KCNIP4: variants seen among roughly 807,000 people sequenced by gnomAD.
KCNIP4 encodes the protein potassium voltage-gated channel interacting protein 4, also known as Kv channel-interacting protein 4.
Under a neutral mutation model 34.0 loss-of-function variants are expected in KCNIP4, and 12 were observed. That is an observed-to-expected ratio of 0.35 (90% confidence interval 0.23 to 0.57). The LOEUF (loss-of-function observed/expected upper bound fraction) is 0.57. Among genes scored for constraint, KCNIP4 ranks in the 20% least tolerant of loss-of-function variants. The pLI, the probability that KCNIP4 is intolerant of heterozygous loss-of-function variation, is 0.83. For missense variants in KCNIP4, 238 were observed against 311.7 expected (o/e 0.76, Z 1.78); for synonymous variants, 124 against 102.2 (o/e 1.21, Z -1.29).
At chr4:20,927,066 C>T (rs1347410359) in intron 1 of KCNIP4, among the ~76,000 whole-genome samples, 1 of 151,728 alleles carries the variant, frequency 6.6e-6, no homozygotes, top group East Asian at 1.9e-4. Context: ...GCAACCTCCG[C>T]CTCCTGGGTT....
chr4:20,730,208 C>T, intron 8 of KCNIP4, 79 bp from the exon 9 acceptor site: 2 of 1,477,370 alleles, frequency 1.4e-6, no homozygotes, highest in Non-Finnish European at 1.8e-6. Context: ...TGAGTATTGC[C>T]TCCTCCCATC....
intron 1 of KCNIP4, among the ~76,000 whole-genome samples, chr4:21,785,155 T>G (rs1218715084): frequency 6.6e-6 from 1 of 152,178 alleles, no homozygotes; most frequent in African/African-American, 2.4e-5. Flanking sequence ...CCCGAAATTA[T>G]TTTTGTAGTA....
chr4:21,326,373 T>C (rs1395421939), intron 1 of KCNIP4, among the ~76,000 whole-genome samples: 1 of 151,732 alleles, frequency 6.6e-6, no homozygotes, highest in Non-Finnish European at 1.5e-5. Flanking sequence ...CTTTGTTCTT[T>C]TTATAGTTTT....
chr4:21,179,326 A>G (rs996487536), intron 1 of KCNIP4, among the ~76,000 whole-genome samples: 2 of 152,174 alleles, frequency 1.3e-5, no homozygotes, highest in Non-Finnish European at 2.9e-5. Flanking sequence ...TCAAACATTG[A>G]GATCATAGTA....
At chr4:20,783,260 G>A (rs1486166657) in intron 3 of KCNIP4, among the ~76,000 whole-genome samples, 1 of 152,116 alleles carries the variant, frequency 6.6e-6, no homozygotes, top group Non-Finnish European at 1.5e-5. Context: ...TCCAACCTCT[G>A]CCTGTTACCC....
At chr4:21,921,213 C>T (rs1016547137) in intron 1 of KCNIP4, among the ~76,000 whole-genome samples, 1 of 152,036 alleles carries the variant, frequency 6.6e-6, no homozygotes, top group Admixed American at 6.6e-5. Flanking sequence ...TTCTTGGTTT[C>T]CATGACATCA....
At chr4:21,417,926 T>A (rs1359680965) in intron 1 of KCNIP4, among the ~76,000 whole-genome samples, 1 of 152,118 alleles carries the variant, frequency 6.6e-6, no homozygotes, top group African/African-American at 2.4e-5. Flanking sequence ...TTGTATCAGT[T>A]GAATGGAAGT....
At chr4:21,644,991 A>G (rs1246767931) in intron 1 of KCNIP4, among the ~76,000 whole-genome samples, 1 of 152,160 alleles carries the variant, frequency 6.6e-6, no homozygotes, top group Non-Finnish European at 1.5e-5. Context: ...CTAGGGTACC[A>G]GAGATAACTC....
At chr4:21,148,825 A>C (rs1364529359) in intron 1 of KCNIP4, among the ~76,000 whole-genome samples, 1 of 152,200 alleles carries the variant, frequency 6.6e-6, no homozygotes, top group East Asian at 1.9e-4. Flanking sequence ...TCTGAGTGGC[A>C]ATATGAATGA....
At chr4:21,925,428 G>T (rs1246341767) in intron 1 of KCNIP4, among the ~76,000 whole-genome samples, 1 of 152,036 alleles carries the variant, frequency 6.6e-6, no homozygotes, top group African/African-American at 2.4e-5. Flanking sequence ...ATTTTTTATG[G>T]CTGCATAGTA....
At chr4:20,746,175 C>T (rs990456899) in intron 5 of KCNIP4, among the ~76,000 whole-genome samples, 4 of 152,246 alleles carry the variant, frequency 2.6e-5, no homozygotes, top group South Asian at 2.1e-4. Context: ...GGCACATATA[C>T]ACCATGGAAT....
intron 1 of KCNIP4, among the ~76,000 whole-genome samples, chr4:20,996,174 C>A (rs1737538363): frequency 6.6e-6 from 1 of 152,218 alleles, no homozygotes; most frequent in East Asian, 1.9e-4. Flanking sequence ...CTGTATCTGA[C>A]CAATTCTCAC....
chr4:21,739,331 A>C (rs1447807148), intron 1 of KCNIP4, among the ~76,000 whole-genome samples: 1 of 152,090 alleles, frequency 6.6e-6, no homozygotes, highest in African/African-American at 2.4e-5. Flanking sequence ...TTTTAATAAG[A>C]ATAAAGTATA....
chr4:21,686,830 A>C (rs1390954026), intron 1 of KCNIP4, among the ~76,000 whole-genome samples: 1 of 151,918 alleles, frequency 6.6e-6, no homozygotes, highest in East Asian at 1.9e-4. Context: ...TATATACCCA[A>C]ATGACTATAA....
intron 1 of KCNIP4, among the ~76,000 whole-genome samples, chr4:21,633,729 T>C (rs964780468): frequency 6.6e-6 from 1 of 152,146 alleles, no homozygotes; most frequent in African/African-American, 2.4e-5. Flanking sequence ...ATATGGGTTT[T>C]ATCTTGATAT....
intron 1 of KCNIP4, among the ~76,000 whole-genome samples, chr4:21,654,666 G>A (rs1963623): frequency 0.3 from 45,011 of 151,948 alleles, 8,361 homozygotes; most frequent in East Asian, 0.9. Flanking sequence ...GCTCATGCCT[G>A]TAATCCCAGC....
chr4:21,762,145 T>C (rs1250152161), intron 1 of KCNIP4, among the ~76,000 whole-genome samples: 2 of 152,168 alleles, frequency 1.3e-5, no homozygotes, highest in African/African-American at 2.4e-5. Flanking sequence ...ACATATATAA[T>C]TTTATTTTTC....
chr4:20,948,371 G>A (rs928153442), intron 1 of KCNIP4, among the ~76,000 whole-genome samples: 2 of 152,212 alleles, frequency 1.3e-5, no homozygotes, highest in East Asian at 3.9e-4. Context: ...TTCAGCCAGA[G>A]TTTCCCTGAG....
At chr4:21,719,721 G>A (rs1284546235) in intron 1 of KCNIP4, among the ~76,000 whole-genome samples, 1 of 151,994 alleles carries the variant, frequency 6.6e-6, no homozygotes, top group Non-Finnish European at 1.5e-5. Context: ...CCAGCCTTTG[G>A]GAGGCTGAAG....
Sources: gnomAD v4.1 joint callset for allele counts (sites outside exome capture counted in the v4.1 genomes callset) on GRCh38, gnomAD v4.1.1 for gene constraint, MANE v1.5 for transcripts, NCBI Gene and HGNC (gene_info 2026-07-23, HGNC 2026-07-21) for gene names.